The following TBCK variants were observed in gnomAD, a reference collection of about 807,000 sequenced individuals.
The protein encoded by TBCK is TBC1 domain containing kinase.
TBCK carries 99 observed loss-of-function variants against 113.4 expected under a neutral mutation model. The ratio of observed to expected loss-of-function variants is 0.87; its 90% confidence interval spans 0.74 to 1.03. The LOEUF (loss-of-function observed/expected upper bound fraction) is 1.03, where lower values mean the gene tolerates loss of function less well. Ranked by LOEUF, TBCK falls within the 50% of genes least tolerant of loss-of-function variation. The probability of loss-of-function intolerance (pLI) is 0.00; values close to 1 mark genes in which losing one functional copy is unlikely to be tolerated. For synonymous variants in TBCK, 369 were observed against 370.8 expected (o/e 1.00, Z 0.05); for missense variants, 1,045 against 1,061.3 (o/e 0.98, Z 0.21).
At chr4:106,176,259 A>G (rs911103617) in intron 22 of TBCK, among the ~76,000 whole-genome samples, 8 of 152,098 alleles carry the variant, frequency 5.3e-5, no homozygotes, top group African/African-American at 1.9e-4. Flanking sequence ...CTATTGAACA[A>G]CAGAGCTTAT....
chr4:106,141,542 T>C (rs568570878), intron 23 of TBCK, among the ~76,000 whole-genome samples: 2 of 140,444 alleles, frequency 1.4e-5, no homozygotes, highest in South Asian at 4.9e-4. Flanking sequence ...AGTTTAAGAG[T>C]CTATGTCCTT....
At chr4:106,229,442 T>C (rs1012625895) in intron 19 of TBCK, among the ~76,000 whole-genome samples, 1 of 152,052 alleles carries the variant, frequency 6.6e-6, no homozygotes, top group Non-Finnish European at 1.5e-5. Context: ...GATAGAGGTC[T>C]AGTTTCATTC....
chr4:106,166,643 T>C (rs1393321451), intron 23 of TBCK, among the ~76,000 whole-genome samples: 1 of 151,728 alleles, frequency 6.6e-6, no homozygotes, highest in Non-Finnish European at 1.5e-5. Flanking sequence ...AAGAAAATTA[T>C]AGACTTATCT....
intron 24 of TBCK, among the ~76,000 whole-genome samples, chr4:106,101,720 C>T (rs1185659113): frequency 2.0e-5 from 3 of 152,100 alleles, no homozygotes; most frequent in African/African-American, 7.2e-5. Context: ...AAAACTCAGC[C>T]TTGATTTCAA....
In TBCK at chr4:106,263,440, G is replaced by A. The variant is rs558130568; in HGVS notation, c.267-1228C>T. Among the ~76,000 whole-genome samples, 42 of 151,868 alleles carry A rather than the reference G, an allele frequency of 2.8e-4. No individual in the cohort carries two copies. In the South Asian group the frequency reaches 7.7e-3, roughly 28 times the overall value. ...CAGCTATACTCAGTCTATGAGAAAC[G>A]CACTAAATAAAAGACATAGGTTAAA... On this transcript the variant is annotated intron_variant, in intron 3 of 25. Transcript: ENST00000394708.
intron 3 of TBCK, among the ~76,000 whole-genome samples, chr4:106,276,611 C>T (rs62318089): frequency 0.077 from 11,669 of 152,152 alleles, 513 homozygotes; most frequent in Middle Eastern, 0.18. Flanking sequence ...GCAAGCCTGG[C>T]CAGGCGCAGT....
At chr4:106,179,400 T>C (rs1752065853) in intron 22 of TBCK, among the ~76,000 whole-genome samples, 1 of 152,040 alleles carries the variant, frequency 6.6e-6, no homozygotes, top group Non-Finnish European at 1.5e-5. Context: ...CTCTTAGAAC[T>C]GTTTTTGCTG....
intron 23 of TBCK, among the ~76,000 whole-genome samples, chr4:106,119,233 T>A (rs906680522): frequency 2.6e-5 from 4 of 152,302 alleles, no homozygotes; most frequent in South Asian, 2.1e-4. Flanking sequence ...TGTTTACAGG[T>A]AATGGACAAG....
intron 5 of TBCK, among the ~76,000 whole-genome samples, chr4:106,254,601 AT>A (rs1761789372): frequency 6.6e-6 from 1 of 151,980 alleles, no homozygotes. Flanking sequence ...TAATCTGTTA[AT>A]TTTCTCAAAA....
At chr4:106,119,984 A>G (rs1205965643) in intron 23 of TBCK, among the ~76,000 whole-genome samples, 1 of 152,214 alleles carries the variant, frequency 6.6e-6, no homozygotes, top group Non-Finnish European at 1.5e-5. Context: ...GAATAGGAAC[A>G]GCTCGGGTCT....
chr4:106,056,372 T>C (rs1195182424), intron 25 of TBCK, among the ~76,000 whole-genome samples: 1 of 151,050 alleles, frequency 6.6e-6, no homozygotes, highest in Non-Finnish European at 1.5e-5. Flanking sequence ...CCCATAGTGC[T>C]AGGATTACAG....
chr4:106,099,973 T>C (rs76171930), intron 24 of TBCK, among the ~76,000 whole-genome samples: 5 of 152,326 alleles, frequency 3.3e-5, no homozygotes, highest in Non-Finnish European at 5.9e-5. Flanking sequence ...CTAACTACTT[T>C]AATTCCAACC....
intron 3 of TBCK, among the ~76,000 whole-genome samples, chr4:106,293,005 C>T (rs934002256): frequency 2.0e-5 from 3 of 152,180 alleles, no homozygotes; most frequent in Non-Finnish European, 4.4e-5. Flanking sequence ...CCTTCTTTCT[C>T]CCAACTGGTG....
intron 5 of TBCK, among the ~76,000 whole-genome samples, chr4:106,258,774 G>A (rs1396496128): frequency 6.6e-6 from 1 of 151,788 alleles, no homozygotes; most frequent in Non-Finnish European, 1.5e-5. Flanking sequence ...AAGTCACCTC[G>A]AAAGGCATTT....
At chr4:106,228,640 T>C (rs1036314618) in intron 19 of TBCK, among the ~76,000 whole-genome samples, 1 of 151,990 alleles carries the variant, frequency 6.6e-6, no homozygotes, top group Non-Finnish European at 1.5e-5. Flanking sequence ...TTTACCCACT[T>C]GTCTGTTGAT....
intron 25 of TBCK, among the ~76,000 whole-genome samples, chr4:106,071,058 T>C (rs1340800789): frequency 1.3e-5 from 2 of 152,184 alleles, no homozygotes; most frequent in Non-Finnish European, 2.9e-5. Flanking sequence ...GCTCTTGGAT[T>C]CAGTGATTTT....
chr4:106,315,156 G>C lies in TBCK; in HGVS notation c.-30+775C>G, dbSNP rs556077269. Among the ~76,000 whole-genome samples the C allele has an allele frequency of 1.4e-4, 22 of 152,226 alleles. No homozygotes were observed. The East Asian group carries it at 4.3e-3, about 29-fold the overall frequency. On this transcript the variant is annotated intron_variant, in intron 1 of 25. Transcript: ENST00000394708. Reference sequence around the variant, plus strand: ...ACCGGGGGAAAAAAAACGTAGAGATGAGAGATTAGATGAGGGAAACAGCAG... The same window carrying C: ...ACCGGGGGAAAAAAAACGTAGAGATCAGAGATTAGATGAGGGAAACAGCAG...
intron 11 of TBCK, among the ~76,000 whole-genome samples, chr4:106,242,959 G>A (rs1358338322): frequency 5.4e-5 from 8 of 147,120 alleles, no homozygotes; most frequent in Admixed American, 1.4e-4. Context: ...GAGAATATGC[G>A]GTGTTTGGTT....
chr4:106,152,014 C>G (rs1353420691), intron 23 of TBCK, among the ~76,000 whole-genome samples: 1 of 151,824 alleles, frequency 6.6e-6, no homozygotes. Context: ...AATAAAAGAT[C>G]ATGTCATCTT....
Sources: allele counts gnomAD v4.1 joint callset (sites outside exome capture counted in the v4.1 genomes callset), GRCh38; gene constraint gnomAD v4.1.1; transcripts MANE v1.5; gene names NCBI Gene and HGNC (gene_info 2026-07-23, HGNC 2026-07-21).